MCHR2: variants seen among roughly 807,000 people sequenced by gnomAD.
MCHR2 encodes melanin-concentrating hormone receptor 2.
Under a neutral mutation model 24.8 loss-of-function variants are expected in MCHR2, and 15 were observed. The observed-to-expected ratio is 0.60, with a 90% CI of 0.40 to 0.93. The LOEUF is 0.93. MCHR2 is among the 40% of genes least tolerant of loss of function. The probability of loss-of-function intolerance (pLI) is 0.00; values close to 1 mark genes in which losing one functional copy is unlikely to be tolerated. For missense variants in MCHR2, 386 were observed against 408.7 expected (o/e 0.94, Z 0.48); for synonymous variants, 151 against 147.6 (o/e 1.02, Z -0.17).
chr6:99,978,661 G>A (rs1169607044), intron 1 of MCHR2, among the ~76,000 whole-genome samples: 70 of 152,140 alleles, frequency 4.6e-4, no homozygotes, highest in Non-Finnish European at 1.6e-4. Context: ...CTCGTGATCT[G>A]CCCACCTCGG....
intron 1 of MCHR2, among the ~76,000 whole-genome samples, chr6:99,975,155 T>G (rs1034117246): frequency 5.3e-5 from 8 of 152,334 alleles, no homozygotes; most frequent in African/African-American, 1.4e-4. Flanking sequence ...TTGTTTGTTT[T>G]TTCCCTTCCC....
chr6:99,928,753 G>A (rs7382939), intron 5 of MCHR2, among the ~76,000 whole-genome samples: 115,248 of 151,980 alleles, frequency 0.76, 44,332 homozygotes, highest in East Asian at 0.99. Context: ...TCTTGCTAGC[G>A]GTCTATCAAT....
intron 1 of MCHR2, among the ~76,000 whole-genome samples, chr6:99,974,652 C>G (rs963484972): frequency 1.3e-5 from 2 of 152,152 alleles, no homozygotes; most frequent in Non-Finnish European, 2.9e-5. Context: ...TTTAGAGTTT[C>G]CAGTTTTTCT....
intron 1 of MCHR2, among the ~76,000 whole-genome samples, chr6:99,991,248 A>T (rs1775868515): frequency 6.6e-6 from 1 of 152,086 alleles, no homozygotes; most frequent in African/African-American, 2.4e-5. Flanking sequence ...CTTCTGGAAG[A>T]TTTAGCCTCA....
At chr6:99,959,319 G>C (rs1038516253) in intron 1 of MCHR2, among the ~76,000 whole-genome samples, 1 of 151,986 alleles carries the variant, frequency 6.6e-6, no homozygotes, top group African/African-American at 2.4e-5. Flanking sequence ...GTCCAGAGGA[G>C]TCATGTCCAC....
intron 5 of MCHR2, among the ~76,000 whole-genome samples, chr6:99,932,386 C>T (rs375255987): frequency 6.6e-6 from 1 of 152,148 alleles, no homozygotes; most frequent in African/African-American, 2.4e-5. Flanking sequence ...TACATAGATA[C>T]TCCCCTTTCA....
chr6:99,980,117 G>C (rs900687260), intron 1 of MCHR2, among the ~76,000 whole-genome samples: 1 of 92,526 alleles, frequency 1.1e-5, no homozygotes, highest in African/African-American at 4.0e-5. Flanking sequence ...CTGTTTTATA[G>C]TTTATAAAGT....
intron 5 of MCHR2, among the ~76,000 whole-genome samples, chr6:99,928,328 G>C (rs1008602529): frequency 6.6e-6 from 1 of 152,194 alleles, no homozygotes; most frequent in African/African-American, 2.4e-5. Context: ...CCCGGCTTTG[G>C]TATCAGGATG....
At chr6:99,951,805 C>T (rs960328671) in intron 2 of MCHR2, among the ~76,000 whole-genome samples, 2 of 152,126 alleles carry the variant, frequency 1.3e-5, no homozygotes, top group African/African-American at 4.8e-5. Flanking sequence ...AGCTGGAATT[C>T]TACCATTAGA....
Position 99,942,943 on chromosome 6 carries a change from A to G in MCHR2, c.587+6T>C, listed in dbSNP as rs1195879501. 3 of 1,597,022 alleles carry G rather than the reference A, an allele frequency of 1.9e-6. No homozygotes were observed. Among genetic ancestry groups the G allele is most frequent in the South Asian group, 2.2e-5 (2 of 88,912 alleles). The stretch of plus-strand genomic sequence containing the variant: ...AACTCGTTTTTCTTAAGTTTTCACA[A>G]CTTACCAGAGTACATCGTCAGGGGA... On this transcript the variant is annotated splice_donor_region_variant and intron_variant, in intron 4 of 5. Transcript: ENST00000281806.
intron 1 of MCHR2, among the ~76,000 whole-genome samples, chr6:99,965,234 T>C (rs1775273929): frequency 6.6e-6 from 1 of 152,222 alleles, no homozygotes; most frequent in Admixed American, 6.5e-5. Flanking sequence ...TGTTCTCTTC[T>C]TTATTAATGC....
At chr6:99,990,816 A>G (rs575147159) in intron 1 of MCHR2, among the ~76,000 whole-genome samples, 14 of 151,128 alleles carry the variant, frequency 9.3e-5, no homozygotes, top group African/African-American at 2.9e-4. Context: ...AGGAGACCCA[A>G]TCCTGGACCC....
chr6:99,927,840 C>A (rs1284173374), intron 5 of MCHR2, among the ~76,000 whole-genome samples: 2 of 152,140 alleles, frequency 1.3e-5, no homozygotes, highest in Admixed American at 1.3e-4. Context: ...CCTTCTCCTG[C>A]ATAATTGCCC....
chr6:99,966,428 T>C (rs1400563070), intron 1 of MCHR2, among the ~76,000 whole-genome samples: 2 of 152,184 alleles, frequency 1.3e-5, no homozygotes, highest in Admixed American at 1.3e-4. Flanking sequence ...ATTGACTTAA[T>C]ATAATTTCAA....
At chr6:99,978,243 T>C (rs953365263) in intron 1 of MCHR2, among the ~76,000 whole-genome samples, 6 of 152,302 alleles carry the variant, frequency 3.9e-5, no homozygotes, top group South Asian at 2.1e-4. Flanking sequence ...TTCATCTCTA[T>C]AGTACAAATG....
At chr6:99,961,906 A>G (rs1008415523) in intron 1 of MCHR2, among the ~76,000 whole-genome samples, 2 of 152,064 alleles carry the variant, frequency 1.3e-5, no homozygotes, top group African/African-American at 4.8e-5. Context: ...TCCAACCACA[A>G]TGGAATGAAA....
At chr6:99,935,326 T>A (rs933985599) in intron 4 of MCHR2, among the ~76,000 whole-genome samples, 4 of 152,188 alleles carry the variant, frequency 2.6e-5, no homozygotes, top group Middle Eastern at 3.4e-3. Context: ...TATTAAAGTG[T>A]ATCTTTGTAT....
chr6:99,945,218 C>T (rs1774853722), intron 3 of MCHR2, among the ~76,000 whole-genome samples: 1 of 152,092 alleles, frequency 6.6e-6, no homozygotes, highest in Non-Finnish European at 1.5e-5. Context: ...AGTTTAAGGC[C>T]ACTGTATCCC....
intron 5 of MCHR2, among the ~76,000 whole-genome samples, chr6:99,922,803 A>T (rs950458710): frequency 6.6e-6 from 1 of 152,100 alleles, no homozygotes; most frequent in African/African-American, 2.4e-5. Context: ...GATCTGTAGT[A>T]TTATTTGAAG....
Sources: allele counts gnomAD v4.1 joint callset (sites outside exome capture counted in the v4.1 genomes callset), GRCh38; gene constraint gnomAD v4.1.1; transcripts MANE v1.5; gene names NCBI Gene and HGNC (gene_info 2026-07-23, HGNC 2026-07-21).